The following MCCC2 variants were observed in gnomAD, a reference collection of about 807,000 sequenced individuals.
MCCC2 encodes the protein methylcrotonoyl-CoA carboxylase beta chain, mitochondrial.
Under a neutral mutation model 77.2 loss-of-function variants are expected in MCCC2, and 52 were observed. That is an observed-to-expected ratio of 0.67 (90% CI 0.54 to 0.85). The LOEUF is 0.85. Ranked by LOEUF, MCCC2 falls within the 40% of genes least tolerant of loss-of-function variation. The probability of loss-of-function intolerance (pLI) is 0.00; values close to 1 mark genes in which losing one functional copy is unlikely to be tolerated. For synonymous variants in MCCC2, 253 were observed against 248.4 expected, an observed-to-expected ratio of 1.02 and a Z score of -0.18; for missense variants, 682 against 703.2, an observed-to-expected ratio of 0.97 and a Z score of 0.34.
intron 2 of MCCC2, among the ~76,000 whole-genome samples, chr5:71,593,927 T>C (rs1398735914): frequency 6.6e-6 from 1 of 152,124 alleles, no homozygotes; most frequent in African/African-American, 2.4e-5. Flanking sequence ...TGGTCTAGAA[T>C]TGCTTATTTA....
chr5:71,656,659 C>T lies in MCCC2; in HGVS notation c.1575-84C>T, dbSNP rs553591286. The stretch of plus-strand genomic sequence containing the variant: ...GATCCATATATTACCTGAAGGAAAA[C>T]TTCCTTGGCATTTCTGCACATGGAG... On this transcript the variant is annotated intron_variant, in intron 16 of 16. Coordinates refer to ENST00000340941, the MANE Select transcript of MCCC2 (RefSeq NM_022132.5). 5.0e-5 allele frequency: 53 copies of T among 1,066,748 alleles called. No individual in the cohort carries two copies. The South Asian group carries it at 5.5e-4, about 11-fold the overall frequency. 66.1% of individuals were successfully genotyped at this position (1,066,748 alleles called of 1,614,324 possible).
At position 71,587,564 on chromosome 5, in the gene MCCC2, G is replaced by GC. The variant is rs1236080153; in HGVS notation, c.129+11dup. The GC allele has an allele frequency of 6.5e-7, 1 of 1,533,344 alleles. No homozygotes were observed. Among genetic ancestry groups the GC allele is most frequent in the Admixed American group, 2.0e-5 (1 of 50,902 alleles). 95.0% of individuals were successfully genotyped at this position (1,533,344 alleles called of 1,614,324 possible). ...CTCTGCCCTCTACCAGGTAGGCTGA[G>GC]CGCCCCGGTGGCCTGGCCGCCGGTG... On this transcript the variant is annotated intron_variant, in intron 1 of 16. Coordinates refer to ENST00000340941, the MANE Select transcript of MCCC2 (RefSeq NM_022132.5).
chr5:71,618,279 A>G (rs887143615), intron 6 of MCCC2, among the ~76,000 whole-genome samples: 1 of 152,188 alleles, frequency 6.6e-6, no homozygotes. Flanking sequence ...CTCTGCCCTC[A>G]TGGATGGATT....
intron 10 of MCCC2, among the ~76,000 whole-genome samples, chr5:71,639,315 C>G (rs1187618794): frequency 6.6e-6 from 1 of 152,150 alleles, no homozygotes; most frequent in Non-Finnish European, 1.5e-5. Flanking sequence ...ATGATCTTAG[C>G]TAGATCTTCT....
intron 16 of MCCC2, among the ~76,000 whole-genome samples, chr5:71,653,048 C>G (rs1402508572): frequency 6.6e-6 from 1 of 152,170 alleles, no homozygotes; most frequent in African/African-American, 2.4e-5. Flanking sequence ...TCCTGCAGCC[C>G]AAGGTGGGCC....
chr5:71,634,274 C>T (rs1193068846), intron 8 of MCCC2, among the ~76,000 whole-genome samples: 1 of 152,244 alleles, frequency 6.6e-6, no homozygotes, highest in Non-Finnish European at 1.5e-5. Flanking sequence ...CAAGCCCGTA[C>T]TTCATTCACT....
Position 71,604,377 on chromosome 5 carries a change from TA to T in MCCC2, c.534del (p.Leu178PhefsTer95), listed in dbSNP as rs1392073729. The T allele has an allele frequency of 6.2e-7, 1 of 1,614,158 alleles. No individual in the cohort carries two copies. Among genetic ancestry groups the T allele is most frequent in the African/African-American group, 1.3e-5 (1 of 75,044 alleles). On this transcript the variant is annotated frameshift_variant, in exon 6 of 17. Coordinates refer to ENST00000340941, the MANE Select transcript of MCCC2 (RefSeq NM_022132.5). LOFTEE classifies it high-confidence loss of function. The part of the protein sequence containing the change: ...IYLVDSGGAY[L>X]PRQADVFPDR... ...TCAGTTGATTCGGGAGGAGCATACTTACCTCGACAAGCAGATGTGTTTCCAG... is the reference window on the plus strand; with the variant it reads ...TCAGTTGATTCGGGAGGAGCATACTTCCTCGACAAGCAGATGTGTTTCCAG...
intron 6 of MCCC2, among the ~76,000 whole-genome samples, chr5:71,605,334 G>T (rs1353430313): frequency 2.6e-5 from 4 of 151,328 alleles, no homozygotes; most frequent in African/African-American, 9.7e-5. Context: ...GATGGCCAGT[G>T]ATGACGAGCA....
chr5:71,609,622 C>T (rs1160997389), intron 6 of MCCC2, among the ~76,000 whole-genome samples: 1 of 150,800 alleles, frequency 6.6e-6, no homozygotes, highest in Non-Finnish European at 1.5e-5. Context: ...GAACTGCGTT[C>T]CTTTGGAGGA....
rs1746537312 is a variant in MCCC2 at position 71,626,697 on chromosome 5, G to C, written c.682G>C (p.Asp228His). The change falls in exon 7 of 17, where the codon GAT (aspartate) becomes CAT (histidine). Residue 228 changes from aspartate (D) to histidine (H), a missense_variant. By Grantham distance (81) the Asp-to-His change is moderately conservative. Transcript: ENST00000340941. ...AGGAGCCTATGTGCCTGCCATGGCTGATGAAAACATCATTGTACGCAAGCA... is the reference window on the plus strand; with the variant it reads ...AGGAGCCTATGTGCCTGCCATGGCTCATGAAAACATCATTGTACGCAAGCA... ...AGGAYVPAMA[D>H]ENIIVRKQGT... 6.2e-7 allele frequency: 1 copy of C among 1,614,038 alleles called. No individual in the cohort carries two copies. Among genetic ancestry groups the C allele is most frequent in the African/African-American group, 1.3e-5 (1 of 74,908 alleles).
chr5:71,594,733 G>T (rs1745108064), intron 2 of MCCC2, among the ~76,000 whole-genome samples: 1 of 152,006 alleles, frequency 6.6e-6, no homozygotes, highest in South Asian at 2.1e-4. Flanking sequence ...GCTTTGCCAA[G>T]AATTAAATGT....
Position 71,587,362 on chromosome 5 carries a change from G to A in MCCC2, c.-64G>A, listed in dbSNP as rs896347109. The stretch of plus-strand genomic sequence containing the variant: ...CTCAGCTTCCGCCCCAGCCAGGGAA[G>A]CGGCAGGGGAAAGCACCGGCTCCAG... On this transcript the variant is annotated 5_prime_UTR_variant, in exon 1 of 17. Transcript: ENST00000340941. 6.6e-7 allele frequency: 1 copy of A among 1,516,502 alleles called. No individual in the cohort carries two copies. Among genetic ancestry groups the A allele is most frequent in the South Asian group, 1.2e-5 (1 of 81,312 alleles). 93.9% of individuals were successfully genotyped at this position (1,516,502 alleles called of 1,614,324 possible).
In MCCC2 at chr5:71,656,035, C is replaced by T. The variant is rs537991093; in HGVS notation, c.1575-708C>T. The stretch of plus-strand genomic sequence containing the variant: ...TTCAAAACTGGCCTGGCCAACATGG[C>T]GAAACCCCGTCTCTTCTACAAATAC... On this transcript the variant is annotated intron_variant, in intron 16 of 16. Coordinates refer to ENST00000340941, the MANE Select transcript of MCCC2 (RefSeq NM_022132.5). Among the ~76,000 whole-genome samples the T allele has an allele frequency of 9.2e-5, 14 of 152,118 alleles. No homozygotes were observed. The East Asian group carries it at 2.7e-3, about 29-fold the overall frequency.
At chr5:71,618,581 G>A (rs1746260511) in intron 6 of MCCC2, among the ~76,000 whole-genome samples, 1 of 145,142 alleles carries the variant, frequency 6.9e-6, no homozygotes, top group Admixed American at 7.0e-5. Context: ...TTGTAGAGGT[G>A]AAGTCTTGCT....
intron 1 of MCCC2, 101 bp downstream of exon 1, chr5:71,587,655 C>G: frequency 6.9e-7 from 1 of 1,439,696 alleles, no homozygotes; most frequent in South Asian, 1.2e-5. Context: ...TCCGGAGCCC[C>G]AGTTGATTCT....
chr5:71,627,675 A>G (rs993469236), intron 7 of MCCC2, among the ~76,000 whole-genome samples: 5 of 152,142 alleles, frequency 3.3e-5, no homozygotes, highest in Non-Finnish European at 7.4e-5. Flanking sequence ...TTACATTTCT[A>G]CCAGCAGCAT....
intron 6 of MCCC2, among the ~76,000 whole-genome samples, chr5:71,623,235 C>T (rs1746415602): frequency 1.3e-5 from 2 of 152,184 alleles, no homozygotes; most frequent in South Asian, 2.1e-4. Context: ...AAAACTTGTG[C>T]AGTGTAAAAC....
At chr5:71,634,814 A>T (rs757026837) in intron 8 of MCCC2, 129 bp from the exon 9 acceptor site, 27 of 790,286 alleles carry the variant, frequency 3.4e-5, no homozygotes, top group Non-Finnish European at 3.8e-5. Context: ...ATTAAAGATG[A>T]CAAATTTTTT....
intron 12 of MCCC2, among the ~76,000 whole-genome samples, chr5:71,644,918 A>G (rs1450283315): frequency 6.6e-6 from 1 of 152,200 alleles, no homozygotes; most frequent in African/African-American, 2.4e-5. Flanking sequence ...ACTTATAATT[A>G]TACCAGAAAT....
Sources: allele counts gnomAD v4.1 joint callset (sites outside exome capture counted in the v4.1 genomes callset), GRCh38; gene constraint gnomAD v4.1.1; transcripts MANE v1.5; gene names NCBI Gene and HGNC (gene_info 2026-07-23, HGNC 2026-07-21).